The following POLN variants were observed in gnomAD, a reference collection of about 807,000 sequenced individuals.
The protein encoded by POLN is DNA polymerase N.
A neutral mutation model predicts 113.5 loss-of-function variants in POLN; 108 were observed. The ratio of observed to expected loss-of-function variants is 0.95; its 90% CI spans 0.81 to 1.12. The LOEUF is 1.12. POLN is among the 50% of genes most tolerant of loss of function. The probability of loss-of-function intolerance (pLI) is 0.00; values close to 1 mark genes in which losing one functional copy is unlikely to be tolerated. For missense variants in POLN, 1,097 were observed against 1,077.1 expected (o/e 1.02, Z -0.26); for synonymous variants, 386 against 391.5 (o/e 0.99, Z 0.17).
At chr4:2,167,343 A>AAAAAAC (rs757055713) in intron 13 of POLN, among the ~76,000 whole-genome samples, 3 of 152,178 alleles carry the variant, frequency 2.0e-5, no homozygotes, top group Non-Finnish European at 4.4e-5. Context: ...CACTGCAGAA[A>AAAAAAC]AAAAACACCA....
At chr4:2,239,387 A>G (rs1218277064) in intron 2 of POLN, among the ~76,000 whole-genome samples, 1 of 152,206 alleles carries the variant, frequency 6.6e-6, no homozygotes, top group Non-Finnish European at 1.5e-5. Context: ...AATTACTTCA[A>G]TAGGTCCTAG....
intron 23 of POLN, chr4:2,080,384 C>T: frequency 3.9e-6 from 4 of 1,028,198 alleles, no homozygotes; most frequent in Non-Finnish European, 4.7e-6. Context: ...CCCACCAAGG[C>T]ACATCTGCAT....
chr4:2,178,590 A>G (rs34313001), intron 8 of POLN, among the ~76,000 whole-genome samples: 12,804 of 150,628 alleles, frequency 0.085, 823 homozygotes, highest in African/African-American at 0.17. Context: ...TAGCAGGCGA[A>G]GGCCTGGAGA....
At chr4:2,206,051 G>T (rs1733835252) in intron 5 of POLN, among the ~76,000 whole-genome samples, 1 of 152,164 alleles carries the variant, frequency 6.6e-6, no homozygotes, top group East Asian at 1.9e-4. Context: ...ATAAAAATAG[G>T]CACATAGACC....
At chr4:2,087,854 A>G (rs1046235882) in intron 20 of POLN, among the ~76,000 whole-genome samples, 33 of 151,556 alleles carry the variant, frequency 2.2e-4, no homozygotes, top group Non-Finnish European at 2.8e-4. Context: ...TCCTTTTGAG[A>G]CAGTGTCTTG....
chr4:2,213,491 A>G lies in POLN; in HGVS notation c.134-365T>C, dbSNP rs34656097. Reference sequence around the variant, plus strand: ...TTAGACTGAATACTGCAGTGGAACAATTGAAGGTTCAGTAAAACATCATTA... The same window carrying G: ...TTAGACTGAATACTGCAGTGGAACAGTTGAAGGTTCAGTAAAACATCATTA... On this transcript the variant is annotated intron_variant, in intron 3 of 25. Transcript: ENST00000511885. Among the ~76,000 whole-genome samples, 506 of 152,350 alleles carry G rather than the reference A, an allele frequency of 3.3e-3. 3 individuals carry two copies. The highest frequency in any genetic ancestry group is 0.011 in the African/African-American group (477 of 41,582).
At chr4:2,111,809 T>C (rs1325188800) in intron 19 of POLN, among the ~76,000 whole-genome samples, 2 of 152,154 alleles carry the variant, frequency 1.3e-5, no homozygotes, top group Admixed American at 6.5e-5. Context: ...AAAATGGCCA[T>C]ACTGCCCAAG....
At position 2,127,088 on chromosome 4, in the gene POLN, C is replaced by T. The variant is rs924994845; in HGVS notation, c.1982+1025G>A. On this transcript the variant is annotated intron_variant, in intron 19 of 25. Transcript: ENST00000511885. The surrounding 1 kb of genome is among the most constrained non-coding windows in gnomAD (Gnocchi z 4.7). ...GCTGGGCAGCCTTTCTGTGTGACAT[C>T]GTGAGGGTGAACAGGTGGCAGGAGA... Among the ~76,000 whole-genome samples the T allele has an allele frequency of 2.1e-5, 3 of 144,178 alleles. No homozygotes were observed. The highest frequency in any genetic ancestry group is 3.0e-5 in the Non-Finnish European group (2 of 66,322). 94.6% of individuals were successfully genotyped at this position (144,178 alleles called of 152,430 possible). A position where few individuals can be genotyped will look rare whatever the true frequency, so the allele number is the denominator to read the frequency against.
intron 16 of POLN, 190 bp downstream of exon 16, chr4:2,156,598 C>T: frequency 1.5e-6 from 1 of 658,402 alleles, no homozygotes; most frequent in Admixed American, 2.4e-5. Flanking sequence ...CTCAGCACTT[C>T]ATGAGAAGAG....
intron 20 of POLN, 25 bp downstream of exon 20, chr4:2,095,826 C>T (rs947984978): frequency 5.6e-6 from 9 of 1,609,450 alleles, no homozygotes; most frequent in Non-Finnish European, 6.8e-6. Context: ...AACCCCGAGA[C>T]CCCAGCTCCC....
intron 19 of POLN, among the ~76,000 whole-genome samples, chr4:2,110,867 G>A (rs1482051384): frequency 6.6e-6 from 1 of 152,046 alleles, no homozygotes; most frequent in Non-Finnish European, 1.5e-5. Context: ...AGAAAAAGAG[G>A]GAATCCTCCC....
chr4:2,156,501 C>T (rs1265083161), intron 16 of POLN: 1 of 555,012 alleles, frequency 1.8e-6, no homozygotes. Flanking sequence ...TGGCACAAAT[C>T]TGAAAAGGAA....
In POLN at chr4:2,090,143, C is replaced by T. The variant is rs1230389019; in HGVS notation, c.2066-4399G>A. The T allele has an allele frequency of 3.9e-6, 4 of 1,025,432 alleles. No individual in the cohort carries two copies. The East Asian group carries it at 1.0e-4, about 27-fold the overall frequency. The allele number at this position is 1,025,432 out of a possible 1,614,324, so 63.5% of individuals were successfully genotyped here. A position where few individuals can be genotyped will look rare whatever the true frequency, so the allele number is the denominator to read the frequency against. On this transcript the variant is annotated intron_variant, in intron 20 of 25. Transcript: ENST00000511885. ...GCTAACTGAGGATAAGAACTTTGAACATTATCAGCTGAAACTTCAGAAGAA... is the reference window on the plus strand; with the variant it reads ...GCTAACTGAGGATAAGAACTTTGAATATTATCAGCTGAAACTTCAGAAGAA...
intron 19 of POLN, among the ~76,000 whole-genome samples, chr4:2,123,415 C>A (rs1731496465): frequency 6.6e-6 from 1 of 151,884 alleles, no homozygotes; most frequent in Non-Finnish European, 1.5e-5. Flanking sequence ...CATTTGAGGT[C>A]AGGAGTTCAA....
At chr4:2,141,491 C>T (rs1732000623) in intron 16 of POLN, among the ~76,000 whole-genome samples, 1 of 152,164 alleles carries the variant, frequency 6.6e-6, no homozygotes, top group Non-Finnish European at 1.5e-5. Context: ...TTGTGGGCCT[C>T]GGCTGCCCAT....
At chr4:2,100,665 C>T (rs1730901323) in intron 19 of POLN, among the ~76,000 whole-genome samples, 2 of 151,818 alleles carry the variant, frequency 1.3e-5, no homozygotes, top group African/African-American at 4.8e-5. Context: ...ACAGTCAGGC[C>T]AAAGTTAAAA....
At chr4:2,188,453 T>C (rs1030042152) in intron 7 of POLN, among the ~76,000 whole-genome samples, 1 of 151,846 alleles carries the variant, frequency 6.6e-6, no homozygotes. Context: ...ACAAAAAAAT[T>C]AGCCGGGCCT....
intron 20 of POLN, chr4:2,090,620 C>T (rs1406202554): frequency 3.9e-5 from 16 of 413,200 alleles, no homozygotes; most frequent in East Asian, 1.3e-4. Flanking sequence ...TGGGCCATGA[C>T]GGTGGAGAGG....
chr4:2,214,238 G>GAA (rs934593338), intron 3 of POLN, among the ~76,000 whole-genome samples: 1 of 146,726 alleles, frequency 6.8e-6, no homozygotes, highest in South Asian at 2.2e-4. Context: ...TCTGTCCTGG[G>GAA]AAAAAAAAAA....
Sources: gnomAD v4.1 joint callset for allele counts (sites outside exome capture counted in the v4.1 genomes callset) on GRCh38, gnomAD v4.1.1 for gene constraint, Gnocchi (gnomAD v3.1) non-coding constraint, MANE v1.5 for transcripts, NCBI Gene and HGNC (gene_info 2026-07-23, HGNC 2026-07-21) for gene names.